Variants in TCERG1L observed in about 807,000 individuals in gnomAD.
The protein encoded by TCERG1L is transcription elongation regulator 1-like protein.
TCERG1L carries 37 observed loss-of-function variants against 56.3 expected under a neutral mutation model. The observed-to-expected ratio is 0.66, with a 90% CI of 0.51 to 0.87. TCERG1L has a LOEUF of 0.87. Among genes scored for constraint, TCERG1L ranks in the 40% least tolerant of loss-of-function variants. The probability of loss-of-function intolerance (pLI) is 0.00; values close to 1 mark genes in which losing one functional copy is unlikely to be tolerated. For missense variants in TCERG1L, 799 were observed against 774.2 expected (o/e 1.03, Z -0.38); for synonymous variants, 324 against 326.3 (o/e 0.99, Z 0.08).
rs1300113495 is a variant in TCERG1L, at chr10:131,103,306, C to T, written c.1485+959G>A. On this transcript the variant is annotated intron_variant, in intron 10 of 11. Coordinates refer to ENST00000368642, the MANE Select transcript of TCERG1L (RefSeq NM_174937.4). This position sits in a 1 kb window ranked among gnomAD's most constrained non-coding sequence, Gnocchi z 4.3. ...ATTGTTTTGACATAATTATCTTTGG[C>T]TACAGAGATCCATAACAGGACGAAG... Among the ~76,000 whole-genome samples, 1 of 152,178 alleles carries T rather than the reference C, an allele frequency of 6.6e-6. No homozygotes were observed. Among genetic ancestry groups the T allele is most frequent in the African/African-American group, 2.4e-5 (1 of 41,460 alleles).
At chr10:131,125,898 C>T (rs1845560472) in intron 8 of TCERG1L, among the ~76,000 whole-genome samples, 1 of 152,200 alleles carries the variant, frequency 6.6e-6, no homozygotes, top group South Asian at 2.1e-4. Context: ...GATGACACTG[C>T]CCAGTGCACA....
intron 6 of TCERG1L, chr10:131,161,509 T>C (rs2133429496): frequency 6.6e-6 from 1 of 152,344 alleles, no homozygotes. Context: ...TTGTTATTCC[T>C]ACCAAGTCCC....
chr10:131,241,508 A>G lies in TCERG1L; in HGVS notation c.856+18751T>C, dbSNP rs576178848. ...ACAGGGGATAGCGCAATATAAAAAC[A>G]TAAGAGAGGACATGCATGAACACAG... On this transcript the variant is annotated intron_variant, in intron 4 of 11. Coordinates refer to ENST00000368642, the MANE Select transcript of TCERG1L (RefSeq NM_174937.4). Among the ~76,000 whole-genome samples, 10 of 152,292 alleles carry G rather than the reference A, an allele frequency of 6.6e-5. No individual in the cohort carries two copies. The South Asian group carries it at 1.9e-3, about 29-fold the overall frequency.
chr10:131,281,278 C>T, intron 3 of TCERG1L, among the ~76,000 whole-genome samples: 1 of 152,200 alleles, frequency 6.6e-6, no homozygotes, highest in African/African-American at 2.4e-5. Flanking sequence ...GCTGAGCATG[C>T]TGAGGAATGC....
At chr10:131,274,346 C>T (rs536217626) in intron 3 of TCERG1L, among the ~76,000 whole-genome samples, 2 of 152,340 alleles carry the variant, frequency 1.3e-5, no homozygotes, top group Non-Finnish European at 1.5e-5. Context: ...CCAGGGCCAA[C>T]GCCATTCCCA....
Sources: allele counts gnomAD v4.1 joint callset (sites outside exome capture counted in the v4.1 genomes callset), GRCh38; gene constraint gnomAD v4.1.1; non-coding constraint Gnocchi (gnomAD v3.1); transcripts MANE v1.5; gene names NCBI Gene and HGNC (gene_info 2026-07-23, HGNC 2026-07-21).